DPT: variants seen among roughly 807,000 people sequenced by gnomAD.
DPT encodes the protein dermatopontin.
DPT carries 21 observed loss-of-function variants against 31.2 expected under a neutral mutation model. The ratio of observed to expected loss-of-function variants is 0.67; its 90% CI spans 0.48 to 0.97. DPT has a LOEUF of 0.97. Ranked by LOEUF, DPT falls within the 50% of genes least tolerant of loss-of-function variation. DPT has a pLI of 0.00. For synonymous variants in DPT, 91 were observed against 86.9 expected, an observed-to-expected ratio of 1.05 and a Z score of -0.26; for missense variants, 262 against 258.8, an observed-to-expected ratio of 1.01 and a Z score of -0.08.
intron 1 of DPT, among the ~76,000 whole-genome samples, chr1:168,718,391 A>C (rs540089335): frequency 6.6e-6 from 1 of 152,198 alleles, no homozygotes; most frequent in East Asian, 1.9e-4. Flanking sequence ...ACCTCAGATA[A>C]CTCTGCCCTG....
chr1:168,715,561 T>C (rs540746782), intron 1 of DPT, among the ~76,000 whole-genome samples: 1 of 116,440 alleles, frequency 8.6e-6, no homozygotes, highest in Non-Finnish European at 1.9e-5. Context: ...AAATAAAAGA[T>C]ATTATAATTC....
At chr1:168,713,249 C>A (rs1431477681) in intron 2 of DPT, among the ~76,000 whole-genome samples, 1 of 152,150 alleles carries the variant, frequency 6.6e-6, no homozygotes, top group East Asian at 1.9e-4. Flanking sequence ...GTTTCTGCTC[C>A]ATCATACAGT....
chr1:168,699,807 C>A (rs566228595), intron 3 of DPT, among the ~76,000 whole-genome samples: 3 of 152,194 alleles, frequency 2.0e-5, no homozygotes, highest in Admixed American at 6.5e-5. Context: ...AAGTGATTAT[C>A]GGCTGACTAA....
At position 168,729,094 on chromosome 1, in the gene DPT, GT is replaced by G; in HGVS notation, c.80del (p.Tyr27SerfsTer13). 6.2e-7 allele frequency: 1 copy of G among 1,614,208 alleles called. No homozygotes were observed. Among genetic ancestry groups the G allele is most frequent in the Non-Finnish European group, 8.5e-7 (1 of 1,180,038 alleles). ...CATCGCTGTAGTCATGATACTGCTGGTATGGGTATCCATAATCGCCATACTG... is the reference window on the plus strand; with the variant it reads ...CATCGCTGTAGTCATGATACTGCTGGATGGGTATCCATAATCGCCATACTG... Reference protein sequence around the residue: ...WGQYGDYGYPYQQYHDYSDDG... With the variant: ...WGQYGDYGYPXQQYHDYSDDG... On this transcript the variant is annotated frameshift_variant, in exon 1 of 4. Transcript: ENST00000367817. LOFTEE classifies it high-confidence loss of function.
chr1:168,708,249 A>C (rs1649766275), intron 2 of DPT, among the ~76,000 whole-genome samples: 1 of 152,064 alleles, frequency 6.6e-6, no homozygotes, highest in South Asian at 2.1e-4. Flanking sequence ...GAATTCTTGG[A>C]TAGGGAACCC....
intron 3 of DPT, 66 bp downstream of exon 3, chr1:168,700,951 T>C: frequency 1.9e-6 from 2 of 1,028,574 alleles, no homozygotes; most frequent in Non-Finnish European, 3.0e-6. Flanking sequence ...GCAGGTAAAA[T>C]CCTTGCAGGG....
At chr1:168,726,692 G>A (rs763662063) in intron 1 of DPT, among the ~76,000 whole-genome samples, 16 of 152,238 alleles carry the variant, frequency 1.1e-4, no homozygotes, top group South Asian at 4.1e-4. Flanking sequence ...GAAAGGAGTC[G>A]CACCCATGCG....
At chr1:168,705,096 T>C (rs766997075) in intron 2 of DPT, among the ~76,000 whole-genome samples, 57 of 152,252 alleles carry the variant, frequency 3.7e-4, no homozygotes, top group Admixed American at 7.2e-4. Context: ...TTGTCAGAGG[T>C]TGGGTTGAGA....
At chr1:168,703,535 G>C (rs1429536909) in intron 2 of DPT, among the ~76,000 whole-genome samples, 2 of 152,226 alleles carry the variant, frequency 1.3e-5, no homozygotes, top group Non-Finnish European at 2.9e-5. Context: ...CTGATGTCCA[G>C]TGAATTTCTA....
chr1:168,725,554 G>A (rs1241395226), intron 1 of DPT, among the ~76,000 whole-genome samples: 1 of 152,098 alleles, frequency 6.6e-6, no homozygotes, highest in African/African-American at 2.4e-5. Context: ...CAGATTCCCT[G>A]AGAACAACCT....
At chr1:168,719,685 G>A (rs927344737) in intron 1 of DPT, among the ~76,000 whole-genome samples, 2 of 151,892 alleles carry the variant, frequency 1.3e-5, no homozygotes, top group African/African-American at 4.8e-5. Flanking sequence ...TAATATCCTG[G>A]TGAATTGTAT....
rs145534597 is a variant in DPT at position 168,701,639 on chromosome 1, C to T, written c.432-515G>A. Reference sequence around the variant, plus strand: ...GTTTGTTTATAAGATGTACATATTGCGATAGTTTAATGTTTCTTATTGTGA... The same window carrying T: ...GTTTGTTTATAAGATGTACATATTGTGATAGTTTAATGTTTCTTATTGTGA... On this transcript the variant is annotated intron_variant, in intron 2 of 3. Transcript: ENST00000367817. 3.4e-3 allele frequency among the ~76,000 whole-genome samples: 514 copies of T among 152,116 alleles called. 2 individuals are homozygous for T. Among genetic ancestry groups the T allele is most frequent in the Middle Eastern group, 6.8e-3 (2 of 294 alleles).
At chr1:168,703,435 G>C (rs1338121884) in intron 2 of DPT, among the ~76,000 whole-genome samples, 1 of 152,164 alleles carries the variant, frequency 6.6e-6, no homozygotes, top group East Asian at 1.9e-4. Context: ...TCTTTAATTA[G>C]GATTCTCTGT....
intron 1 of DPT, among the ~76,000 whole-genome samples, chr1:168,719,056 T>C (rs1024790135): frequency 1.3e-5 from 2 of 152,128 alleles, no homozygotes; most frequent in African/African-American, 4.8e-5. Context: ...GTGTCTGACA[T>C]TGTTGTCCAG....
rs1351391905 is a variant in DPT, at chr1:168,696,237, A to C, written c.*312T>G. ...CAGTAAAAAGCAGTAGCCAGGCTGCAGCTGGTGCTCCAGAAGCCCGGCTGT... is the reference window on the plus strand; with the variant it reads ...CAGTAAAAAGCAGTAGCCAGGCTGCCGCTGGTGCTCCAGAAGCCCGGCTGT... On this transcript the variant is annotated 3_prime_UTR_variant, in exon 4 of 4. Coordinates refer to ENST00000367817, the MANE Select transcript of DPT (RefSeq NM_001937.5). 6.9e-6 allele frequency: 3 copies of C among 434,234 alleles called. No individual in the cohort carries two copies. The highest frequency in any genetic ancestry group is 6.1e-5 in the African/African-American group (3 of 49,478). 26.9% of individuals were successfully genotyped at this position (434,234 alleles called of 1,614,324 possible).
chr1:168,700,969 C>T (rs754146000), intron 3 of DPT, 48 bp downstream of exon 3: 3 of 1,349,548 alleles, frequency 2.2e-6, no homozygotes, highest in Admixed American at 3.4e-5. Context: ...GGGAGTTAGT[C>T]CCAACTCCTT....
At chr1:168,702,771 C>G (rs983918131) in intron 2 of DPT, among the ~76,000 whole-genome samples, 16 of 152,048 alleles carry the variant, frequency 1.1e-4, no homozygotes, top group Admixed American at 3.3e-4. Flanking sequence ...GCCACCACAC[C>G]CAGCTAATTT....
At chr1:168,722,416 T>C (rs1650138770) in intron 1 of DPT, among the ~76,000 whole-genome samples, 1 of 152,208 alleles carries the variant, frequency 6.6e-6, no homozygotes, top group Non-Finnish European at 1.5e-5. Flanking sequence ...GTGATACTTG[T>C]CTCCATGAGT....
At chr1:168,698,141 T>G (rs1258397634) in intron 3 of DPT, among the ~76,000 whole-genome samples, 5 of 152,202 alleles carry the variant, frequency 3.3e-5, no homozygotes, top group Non-Finnish European at 7.3e-5. Flanking sequence ...AAAGTGGGGC[T>G]GATTGCTCTT....
Sources: gnomAD v4.1 joint callset for allele counts (sites outside exome capture counted in the v4.1 genomes callset) on GRCh38, gnomAD v4.1.1 for gene constraint, MANE v1.5 for transcripts, NCBI Gene and HGNC (gene_info 2026-07-23, HGNC 2026-07-21) for gene names.